The following COL4A6 variants were observed in gnomAD, a reference collection of about 807,000 sequenced individuals.
COL4A6 encodes the protein collagen type IV alpha 6 chain.
Under a neutral mutation model 126.7 loss-of-function variants are expected in COL4A6, and 59 were observed. The observed-to-expected ratio is 0.47, with a 90% CI of 0.38 to 0.58. COL4A6 has a LOEUF of 0.58. Among genes scored for constraint, COL4A6 ranks in the 20% least tolerant of loss-of-function variants. The pLI, the probability that COL4A6 is intolerant of heterozygous loss-of-function variation, is 0.00. For missense variants in COL4A6, 1,285 were observed against 1,337.3 expected (o/e 0.96, Z 0.61); for synonymous variants, 547 against 496.6 (o/e 1.10, Z -1.35).
intron 2 of COL4A6, among the ~76,000 whole-genome samples, chrX:108,433,597 C>G (rs1045441669): frequency 1.8e-5 from 2 of 109,336 alleles, no homozygotes; most frequent in Non-Finnish European, 3.8e-5. Context: ...GATCTCAGCT[C>G]ACCTGCAACC....
intron 14 of COL4A6, among the ~76,000 whole-genome samples, chrX:108,195,519 G>A (rs949317877): frequency 1.7e-4 from 19 of 112,221 alleles, no homozygotes; most frequent in Non-Finnish European, 2.4e-4. Context: ...TCATCCACCC[G>A]CCTTGGCCTC....
chrX:108,227,396 T>C (rs1302419706), intron 3 of COL4A6, among the ~76,000 whole-genome samples: 1 of 111,683 alleles, frequency 9.0e-6, no homozygotes, highest in East Asian at 2.8e-4. Flanking sequence ...TAATGGCCCA[T>C]GAAACAGCCC....
intron 41 of COL4A6, 75 bp from the exon 42 acceptor site, chrX:108,161,810 T>C: frequency 1.5e-6 from 1 of 657,369 alleles, no homozygotes; most frequent in Non-Finnish European, 2.4e-6. Flanking sequence ...AAAGGGGACT[T>C]ATGTGTCATG....
At chrX:108,366,481 C>A (rs2040200090) in intron 2 of COL4A6, among the ~76,000 whole-genome samples, 1 of 111,961 alleles carries the variant, frequency 8.9e-6, no homozygotes, top group African/African-American at 3.2e-5. Context: ...TAAGGAAAAT[C>A]TGCTTTCAGA....
In COL4A6 at chrX:108,188,688, A is replaced by G; in HGVS notation, c.1427-11T>C. The G allele has an allele frequency of 8.8e-7, 1 of 1,136,370 alleles. No homozygotes were observed. The highest frequency in any genetic ancestry group is 1.2e-6 in the Non-Finnish European group (1 of 858,545). 93.6% of individuals were successfully genotyped at this position (1,136,370 alleles called of 1,213,427 possible). A position where few individuals can be genotyped will look rare whatever the true frequency, so the allele number is the denominator to read the frequency against. ...AGAAACCTGAGTCTCCTGGGAGAAA[A>G]AGACAACATAGAACGAAGTGGGTCA... On this transcript the variant is annotated splice_polypyrimidine_tract_variant and intron_variant, in intron 20 of 44. Transcript: ENST00000334504.
At position 108,204,698 on chromosome X, in the gene COL4A6, A is replaced by G. The variant is rs2035493401; in HGVS notation, c.688-286T>C. On this transcript the variant is annotated intron_variant, in intron 11 of 44. Transcript: ENST00000334504. The stretch of plus-strand genomic sequence containing the variant: ...AAGGATGTTTAGAAGAGATTAAAAA[A>G]GGAATCAGAACGAGGTGAATGGCTA... The G allele has an allele frequency of 4.3e-5, 16 of 371,358 alleles. No individual in the cohort carries two copies. The South Asian group carries it at 5.7e-4, about 13-fold the overall frequency. 30.6% of individuals were successfully genotyped at this position (371,358 alleles called of 1,213,427 possible).
intron 23 of COL4A6, among the ~76,000 whole-genome samples, chrX:108,186,867 G>T (rs945852708): frequency 2.7e-5 from 3 of 111,264 alleles, no homozygotes; most frequent in African/African-American, 9.8e-5. Flanking sequence ...GACTGCTCTG[G>T]TAGGAAGTTC....
At chrX:108,172,329 G>A (rs1399163160) in intron 32 of COL4A6, 140 bp downstream of exon 32, 8 of 324,675 alleles carry the variant, frequency 2.5e-5, no homozygotes. Flanking sequence ...CAGCCTAGGT[G>A]ACACTAGGTG....
intron 2 of COL4A6, among the ~76,000 whole-genome samples, chrX:108,392,699 AG>A (rs1424630655): frequency 2.2e-4 from 24 of 111,353 alleles, no homozygotes; most frequent in Middle Eastern, 9.2e-3. Context: ...GGAGGTGATT[AG>A]GTCATGAGAG....
intron 2 of COL4A6, among the ~76,000 whole-genome samples, chrX:108,317,150 T>C (rs2147929067): frequency 8.9e-6 from 1 of 111,957 alleles, no homozygotes; most frequent in Non-Finnish European, 1.9e-5. Flanking sequence ...AGAAGTAAAA[T>C]GATTCTAGGT....
At chrX:108,365,722 A>C (rs1569444529) in intron 2 of COL4A6, among the ~76,000 whole-genome samples, 1 of 112,068 alleles carries the variant, frequency 8.9e-6, no homozygotes, top group Non-Finnish European at 1.9e-5. Flanking sequence ...TAAAATGCAG[A>C]AGCTGATTCA....
intron 2 of COL4A6, among the ~76,000 whole-genome samples, chrX:108,427,742 A>T (rs1355711268): frequency 8.9e-6 from 1 of 111,968 alleles, no homozygotes; most frequent in Non-Finnish European, 1.9e-5. Flanking sequence ...GCCAATGAGG[A>T]GGCAGTGAAA....
At chrX:108,180,664 G>C in intron 24 of COL4A6, 42 bp from the exon 25 acceptor site, 1 of 1,026,458 alleles carries the variant, frequency 9.7e-7, no homozygotes, top group Non-Finnish European at 1.3e-6. Flanking sequence ...AGGAAAGTCG[G>C]TGTGCTAGGT....
intron 2 of COL4A6, among the ~76,000 whole-genome samples, chrX:108,382,580 C>CA (rs1188575462): frequency 9.0e-6 from 1 of 110,677 alleles, no homozygotes; most frequent in African/African-American, 3.3e-5. Context: ...ACAATCACTA[C>CA]AAAAAACCTC....
chrX:108,284,291 C>CAGGGAGGGAGGGG, intron 3 of COL4A6, among the ~76,000 whole-genome samples: 1 of 101,692 alleles, frequency 9.8e-6, no homozygotes, highest in Non-Finnish European at 2.0e-5. Flanking sequence ...AGGGGAACAT[C>CAGGGAGGGAGGGG]ACACACTGGG....
At chrX:108,185,590 T>C (rs1178699928) in intron 23 of COL4A6, among the ~76,000 whole-genome samples, 2 of 111,737 alleles carry the variant, frequency 1.8e-5, no homozygotes, top group East Asian at 5.6e-4. Flanking sequence ...TCTTTTATTG[T>C]AATTCTTCAA....
chrX:108,295,026 C>T (rs1203314098), intron 3 of COL4A6, among the ~76,000 whole-genome samples: 2 of 112,240 alleles, frequency 1.8e-5, no homozygotes, highest in East Asian at 5.5e-4. Context: ...TATGTGTTAT[C>T]CTTATCATTT....
intron 3 of COL4A6, among the ~76,000 whole-genome samples, chrX:108,228,125 T>C (rs902375413): frequency 2.7e-5 from 3 of 111,838 alleles, no homozygotes; most frequent in Admixed American, 1.9e-4. Context: ...AAAACAGAAA[T>C]GGTCTACATC....
chrX:108,190,877 C>T (rs1569342728), intron 19 of COL4A6, among the ~76,000 whole-genome samples: 1 of 112,201 alleles, frequency 8.9e-6, no homozygotes, highest in Non-Finnish European at 1.9e-5. Context: ...TACAGAGAAA[C>T]ATTCTGGGCA....
Sources: allele counts gnomAD v4.1 joint callset (sites outside exome capture counted in the v4.1 genomes callset), GRCh38; gene constraint gnomAD v4.1.1; transcripts MANE v1.5; gene names NCBI Gene and HGNC (gene_info 2026-07-23, HGNC 2026-07-21).